RAB38: variants seen among roughly 807,000 people sequenced by gnomAD.
The protein encoded by RAB38 is ras-related protein Rab-38.
Under a neutral mutation model 18.4 loss-of-function variants are expected in RAB38, and 15 were observed. The ratio of observed to expected loss-of-function variants is 0.82; its 90% CI spans 0.55 to 1.26. The LOEUF is 1.26. RAB38 is among the 50% of genes most tolerant of loss of function. The pLI is 0.00. For synonymous variants in RAB38, 101 were observed against 104.4 expected (o/e 0.97, Z 0.20); for missense variants, 294 against 267.4 (o/e 1.10, Z -0.69).
the RAB38 span, among the ~76,000 whole-genome samples, chr11:87,953,584 TTATTG>T: frequency 6.6e-6 from 1 of 152,036 alleles, no homozygotes; most frequent in African/African-American, 2.4e-5. Context: ...TTATTATTAT[TTATTG>T]TTAATCTGTT....
the RAB38 span, among the ~76,000 whole-genome samples, chr11:88,037,073 A>C: frequency 2.0e-5 from 3 of 152,212 alleles, no homozygotes; most frequent in East Asian, 1.9e-4. Flanking sequence ...GAATTGGTCA[A>C]ATTTCCTACA....
the RAB38 span, among the ~76,000 whole-genome samples, chr11:87,902,816 CAAT>C: frequency 6.6e-6 from 1 of 150,612 alleles, no homozygotes; most frequent in South Asian, 2.1e-4. Context: ...AGCTCACTGA[CAAT>C]ATATATTTAG....
At chr11:87,977,086 A>G in the RAB38 span, among the ~76,000 whole-genome samples, 2 of 11,708 alleles carry the variant, frequency 1.7e-4, no homozygotes, top group African/African-American at 5.1e-4. Context: ...TAATTATATT[A>G]TACAAGTATA....
the RAB38 span, among the ~76,000 whole-genome samples, chr11:87,904,606 G>C: frequency 6.6e-6 from 1 of 151,590 alleles, no homozygotes; most frequent in African/African-American, 2.4e-5. Context: ...CCAGTAATGA[G>C]ATTCCTGGGT....
At chr11:87,965,720 CA>C in the RAB38 span, among the ~76,000 whole-genome samples, 1 of 152,142 alleles carries the variant, frequency 6.6e-6, no homozygotes, top group Non-Finnish European at 1.5e-5. Context: ...ATGCCCAAGG[CA>C]AAGACTTCAG....
chr11:87,877,828 C>T, the RAB38 span, among the ~76,000 whole-genome samples: 2 of 151,588 alleles, frequency 1.3e-5, no homozygotes, highest in Middle Eastern at 6.8e-3. Context: ...TGGTTTTCTA[C>T]AATAGCCATC....
At chr11:87,912,761 TCTTTC>T in the RAB38 span, among the ~76,000 whole-genome samples, 5 of 92,150 alleles carry the variant, frequency 5.4e-5, no homozygotes, top group Admixed American at 1.4e-4. Context: ...TAATTTTCTT[TCTTTC>T]TTTTTTTTTT....
the RAB38 span, among the ~76,000 whole-genome samples, chr11:87,893,959 T>C: frequency 6.6e-6 from 1 of 151,700 alleles, no homozygotes; most frequent in African/African-American, 2.4e-5. Context: ...TAAAATGCCA[T>C]TGGGATCTTG....
the RAB38 span, among the ~76,000 whole-genome samples, chr11:88,065,354 A>C: frequency 6.6e-6 from 1 of 152,190 alleles, no homozygotes; most frequent in African/African-American, 2.4e-5. Context: ...CTTAAACCCC[A>C]ATTTTAATAT....
intron 1 of RAB38, among the ~76,000 whole-genome samples, chr11:88,174,336 T>G (rs756925161): frequency 6.6e-5 from 10 of 152,182 alleles, no homozygotes; most frequent in Non-Finnish European, 1.5e-4. Flanking sequence ...GCCTAACTTC[T>G]GGTACAAACC....
chr11:88,094,252 CT>C, the RAB38 span, among the ~76,000 whole-genome samples: 2 of 151,946 alleles, frequency 1.3e-5, no homozygotes, highest in African/African-American at 4.8e-5. Context: ...TACACAGCTA[CT>C]TTCCCCCTAA....
chr11:87,875,685 C>T, the RAB38 span, among the ~76,000 whole-genome samples: 1 of 151,260 alleles, frequency 6.6e-6, no homozygotes, highest in East Asian at 2.0e-4. Flanking sequence ...TTTTAATTTC[C>T]TTAGTTAGAT....
chr11:88,111,909 C>T (rs934238815), downstream of RAB38, among the ~76,000 whole-genome samples: 7 of 152,202 alleles, frequency 4.6e-5, no homozygotes, highest in Non-Finnish European at 7.3e-5. Flanking sequence ...CTATGAGACC[C>T]TGGATCTCTT....
chr11:88,149,573 C>T (rs1364770326), intron 2 of RAB38, 102 bp downstream of exon 2: 1 of 1,383,032 alleles, frequency 7.2e-7, no homozygotes, highest in African/African-American at 1.5e-5. Flanking sequence ...CCATACATCA[C>T]TAAACAAACA....
At chr11:87,851,696 T>C in the RAB38 span, among the ~76,000 whole-genome samples, 1 of 152,172 alleles carries the variant, frequency 6.6e-6, no homozygotes, top group Admixed American at 6.5e-5. Context: ...TTGAAGTTGT[T>C]GTATCTCTTT....
the RAB38 span, among the ~76,000 whole-genome samples, chr11:87,822,062 G>T: frequency 7.3e-5 from 11 of 150,916 alleles, no homozygotes; most frequent in Non-Finnish European, 1.3e-4. Context: ...CAAACACAAA[G>T]TTGAAATAAA....
At chr11:87,828,811 G>A in the RAB38 span, among the ~76,000 whole-genome samples, 4 of 151,986 alleles carry the variant, frequency 2.6e-5, no homozygotes, top group Non-Finnish European at 4.4e-5. Context: ...CTTTAAATTT[G>A]GTGAGCTGAC....
At chr11:87,864,735 T>TG in the RAB38 span, among the ~76,000 whole-genome samples, 1 of 151,776 alleles carries the variant, frequency 6.6e-6, no homozygotes, top group Non-Finnish European at 1.5e-5. Context: ...CAACACTACA[T>TG]GGGTGAAAGA....
At chr11:87,827,240 T>C in the RAB38 span, among the ~76,000 whole-genome samples, 126 of 152,280 alleles carry the variant, frequency 8.3e-4, no homozygotes, top group Middle Eastern at 3.4e-3. Context: ...GGAAAACTTA[T>C]GAATTTTTAA....
Sources: allele counts gnomAD v4.1 joint callset (sites outside exome capture counted in the v4.1 genomes callset), GRCh38; gene constraint gnomAD v4.1.1; transcripts MANE v1.5; gene names NCBI Gene and HGNC (gene_info 2026-07-23, HGNC 2026-07-21).